Variants in RAD51B observed in about 807,000 individuals in gnomAD.
The protein encoded by RAD51B is DNA repair protein RAD51 homolog 2.
In RAD51B, 38 loss-of-function variants were observed where a neutral mutation model predicts 42.2. That is an observed-to-expected ratio of 0.90 (90% CI 0.70 to 1.18). The LOEUF is 1.18. RAD51B is among the 50% of genes most tolerant of loss of function. The pLI, the probability that RAD51B is intolerant of heterozygous loss-of-function variation, is 0.00. For synonymous variants in RAD51B, 154 were observed against 145.2 expected, an observed-to-expected ratio of 1.06 and a Z score of -0.43; for missense variants, 373 against 400.7, an observed-to-expected ratio of 0.93 and a Z score of 0.59.
Position 68,477,721 on chromosome 14 carries a change from G to A in RAD51B, c.*57G>A. On this transcript the variant is annotated 3_prime_UTR_variant, in exon 11 of 11. Transcript: ENST00000471583. ...GGGTGTGATTTGTGAAATAAAACAGGACCGTACTGCTTGGAAGAAGGAAAC... is the reference window on the plus strand; with the variant it reads ...GGGTGTGATTTGTGAAATAAAACAGAACCGTACTGCTTGGAAGAAGGAAAC... 2 of 1,598,548 alleles carry A rather than the reference G, an allele frequency of 1.3e-6. No individual in the cohort carries two copies. Among genetic ancestry groups the A allele is most frequent in the Non-Finnish European group, 1.7e-6 (2 of 1,175,828 alleles).
At chr14:67,887,901 A>G (rs1241829130) in intron 7 of RAD51B, among the ~76,000 whole-genome samples, 1 of 152,214 alleles carries the variant, frequency 6.6e-6, no homozygotes, top group Non-Finnish European at 1.5e-5. Flanking sequence ...GCAGTGTGTC[A>G]GGGAGTTTTA....
chr14:68,659,825 A>G (rs1045862121), intron 11 of RAD51B, among the ~76,000 whole-genome samples: 2 of 152,252 alleles, frequency 1.3e-5, no homozygotes, highest in South Asian at 4.1e-4. Flanking sequence ...GTTCTGGGGC[A>G]AGGACGCTCA....
chr14:68,231,577 A>C (rs1251379764), intron 7 of RAD51B, among the ~76,000 whole-genome samples: 1 of 152,186 alleles, frequency 6.6e-6, no homozygotes, highest in Non-Finnish European at 1.5e-5. Flanking sequence ...ATGCCAGTGC[A>C]TTGAAAAGCA....
rs150397988 is a variant in RAD51B, at chr14:68,584,931, C to T, written c.1037-9554C>T. On this transcript the variant is annotated intron_variant, in intron 10 of 10. Transcript: ENST00000487270. ...GTTGTTGTAACTTGCCAGGCAGAGC[C>T]CTCAGGGTTTGGCAGAGCTGGGCGT... Among the ~76,000 whole-genome samples, 35 of 152,218 alleles carry T rather than the reference C, an allele frequency of 2.3e-4. No individual in the cohort carries two copies. In the East Asian group the frequency reaches 3.3e-3, roughly 14 times the overall value.
chr14:68,313,533 C>CT (rs1372442587), intron 8 of RAD51B, among the ~76,000 whole-genome samples: 3 of 152,194 alleles, frequency 2.0e-5, no homozygotes, highest in Non-Finnish European at 4.4e-5. Context: ...TGTCTGTGGA[C>CT]TACAAGGACT....
chr14:68,648,308 A>G (rs1358520581), intron 10 of RAD51B, among the ~76,000 whole-genome samples: 1 of 147,516 alleles, frequency 6.8e-6, no homozygotes, highest in Non-Finnish European at 1.5e-5. Context: ...TAGCTTTTAT[A>G]TGGCTGGTCT....
At chr14:67,820,135 A>C (rs1421659718) in intron 1 of RAD51B, among the ~76,000 whole-genome samples, 1 of 152,048 alleles carries the variant, frequency 6.6e-6, no homozygotes, top group Non-Finnish European at 1.5e-5. Context: ...GTTGCTGCCC[A>C]TCTTCCTCCC....
intron 8 of RAD51B, among the ~76,000 whole-genome samples, chr14:68,344,702 C>T (rs1313195741): frequency 6.6e-6 from 1 of 151,796 alleles, no homozygotes; most frequent in Non-Finnish European, 1.5e-5. Flanking sequence ...AATCCCAGCA[C>T]TTTAGGAGGC....
Position 67,972,203 on chromosome 14 carries a change from A to C in RAD51B, c.756+84999A>C, listed in dbSNP as rs978490464. ...CAGGTGGTGTCAGATAGCAGGCAGA[A>C]GACAGATGAGTAGCTAGTTCTCTTT... On this transcript the variant is annotated intron_variant, in intron 7 of 10. Transcript: ENST00000471583. Among the ~76,000 whole-genome samples the C allele has an allele frequency of 1.2e-4, 18 of 151,956 alleles. 1 individual carries two copies. The highest frequency in any genetic ancestry group is 1.2e-3 in the Admixed American group (18 of 15,228).
intron 7 of RAD51B, among the ~76,000 whole-genome samples, chr14:68,009,012 A>C (rs2075640083): frequency 6.6e-6 from 1 of 151,958 alleles, no homozygotes; most frequent in African/African-American, 2.4e-5. Context: ...TTTACCTTTA[A>C]ATGATACATT....
At chr14:68,015,999 A>G (rs886843025) in intron 7 of RAD51B, among the ~76,000 whole-genome samples, 1 of 152,110 alleles carries the variant, frequency 6.6e-6, no homozygotes, top group Non-Finnish European at 1.5e-5. Context: ...GCAGCTGTTG[A>G]TAGTAATCAT....
chr14:68,585,886 G>T (rs1048111968), intron 10 of RAD51B, among the ~76,000 whole-genome samples: 1 of 152,108 alleles, frequency 6.6e-6, no homozygotes, highest in South Asian at 2.1e-4. Context: ...GAGCTGCAGA[G>T]GGGGGAGACA....
rs545438668 is a variant in RAD51B, at chr14:67,850,709, C to T, written c.316-14294C>T. The stretch of plus-strand genomic sequence containing the variant: ...GATAACCTGGCTTGTCCACAAATAC[C>T]CCTATGTCAAATGTAGAAGTGTAGT... On this transcript the variant is annotated intron_variant, in intron 4 of 10. Coordinates refer to ENST00000471583, the MANE Select transcript of RAD51B (RefSeq NM_133510.4). Among the ~76,000 whole-genome samples, 4 of 152,238 alleles carry T rather than the reference C, an allele frequency of 2.6e-5. No homozygotes were observed. In the East Asian group the frequency reaches 5.8e-4, roughly 22 times the overall value.
chr14:68,408,472 C>T (rs1285847251), intron 8 of RAD51B, among the ~76,000 whole-genome samples: 1 of 152,188 alleles, frequency 6.6e-6, no homozygotes, highest in East Asian at 1.9e-4. Context: ...AAGGTTGCGA[C>T]AAAGGCGTAG....
At chr14:68,296,439 T>G (rs1309349574) in intron 8 of RAD51B, among the ~76,000 whole-genome samples, 1 of 152,200 alleles carries the variant, frequency 6.6e-6, no homozygotes, top group Admixed American at 6.5e-5. Context: ...TCTTAGCCCT[T>G]GCCAATTCTT....
chr14:67,980,639 G>A (rs2075074928), intron 7 of RAD51B, among the ~76,000 whole-genome samples: 1 of 152,102 alleles, frequency 6.6e-6, no homozygotes, highest in African/African-American at 2.4e-5. Flanking sequence ...GGCAATTCAC[G>A]GGTGAAGGGC....
chr14:67,980,227 C>T (rs898380698), intron 7 of RAD51B, among the ~76,000 whole-genome samples: 1 of 152,088 alleles, frequency 6.6e-6, no homozygotes, highest in African/African-American at 2.4e-5. Context: ...GGTGGATCAC[C>T]TGAGATCAGA....
chr14:68,102,825 T>C (rs1001113070), intron 7 of RAD51B, among the ~76,000 whole-genome samples: 1 of 152,170 alleles, frequency 6.6e-6, no homozygotes, highest in Non-Finnish European at 1.5e-5. Context: ...TCTGTTCTTA[T>C]GCTGCTAATA....
At chr14:67,861,757 T>C (rs895339103) in intron 4 of RAD51B, among the ~76,000 whole-genome samples, 3 of 152,168 alleles carry the variant, frequency 2.0e-5, no homozygotes. Context: ...GTAAAGGTAA[T>C]GTTTTAACAA....
Sources: allele counts gnomAD v4.1 joint callset (sites outside exome capture counted in the v4.1 genomes callset), GRCh38; gene constraint gnomAD v4.1.1; transcripts MANE v1.5; gene names NCBI Gene and HGNC (gene_info 2026-07-23, HGNC 2026-07-21).